The following SMOC1 variants were observed in gnomAD, a reference collection of about 807,000 sequenced individuals.
SMOC1 encodes the protein SPARC-related modular calcium-binding protein 1.
In SMOC1, 22 loss-of-function variants were observed where a neutral mutation model predicts 56.3. That is an observed-to-expected ratio of 0.39 (90% CI 0.28 to 0.56). The LOEUF is 0.56. Among genes scored for constraint, SMOC1 ranks in the 20% least tolerant of loss-of-function variants. SMOC1 has a pLI of 0.61. For missense variants in SMOC1, 509 were observed against 565.4 expected, an observed-to-expected ratio of 0.90 and a Z score of 1.01; for synonymous variants, 193 against 215.0, an observed-to-expected ratio of 0.90 and a Z score of 0.89.
chr14:69,915,266 A>T (rs776402956), intron 1 of SMOC1, among the ~76,000 whole-genome samples: 3 of 152,216 alleles, frequency 2.0e-5, no homozygotes, highest in Non-Finnish European at 2.9e-5. Context: ...GCAATGGAAG[A>T]TAGTTTCTTC....
intron 5 of SMOC1, among the ~76,000 whole-genome samples, chr14:69,990,811 A>T (rs571303873): frequency 1.3e-5 from 2 of 152,184 alleles, no homozygotes. Context: ...TGATTGTCAG[A>T]TAATTCAGGA....
rs1430053412 is a variant in SMOC1, at chr14:69,952,578, T to C, written c.265+275T>C. Among the ~76,000 whole-genome samples the C allele has an allele frequency of 2.6e-5, 4 of 152,144 alleles. No homozygotes were observed. The East Asian group carries it at 7.7e-4, about 29-fold the overall frequency. ...TCCTTTTTCTTTTTATGGAGATGCT[T>C]AAAACCGCAAGACATTATTGCTGGC... is the stretch of plus-strand genomic sequence containing the variant. On this transcript the variant is annotated intron_variant, in intron 2 of 11. Coordinates refer to ENST00000361956, the MANE Select transcript of SMOC1 (RefSeq NM_001034852.3).
chr14:69,888,478 G>C (rs1022638149), intron 1 of SMOC1, among the ~76,000 whole-genome samples: 3 of 152,268 alleles, frequency 2.0e-5, no homozygotes, highest in Admixed American at 2.0e-4. Flanking sequence ...AGACAGGAAA[G>C]GTAGCTCTCA....
At chr14:69,921,260 G>GT (rs2139367929) in intron 1 of SMOC1, among the ~76,000 whole-genome samples, 1 of 152,278 alleles carries the variant, frequency 6.6e-6, no homozygotes, top group African/African-American at 2.4e-5. Context: ...TACATCATGG[G>GT]CAAGATCTTG....
chr14:69,915,525 A>T (rs2475399), intron 1 of SMOC1, among the ~76,000 whole-genome samples: 2 of 152,310 alleles, frequency 1.3e-5, no homozygotes, highest in South Asian at 4.1e-4. Flanking sequence ...TCACCTTTTT[A>T]TTAGCATCCC....
At chr14:69,997,204 T>C (rs1286272795) in intron 7 of SMOC1, among the ~76,000 whole-genome samples, 2 of 152,234 alleles carry the variant, frequency 1.3e-5, no homozygotes, top group Non-Finnish European at 2.9e-5. Flanking sequence ...CTCCCTGACA[T>C]GCCCAGGTAA....
At chr14:70,025,716 G>A (rs1308000861) in intron 11 of SMOC1, among the ~76,000 whole-genome samples, 3 of 152,230 alleles carry the variant, frequency 2.0e-5, no homozygotes, top group South Asian at 2.1e-4. Flanking sequence ...ATATGCTCCA[G>A]TGAGCATTTC....
At chr14:70,003,442 C>T (rs1021401460) in intron 7 of SMOC1, among the ~76,000 whole-genome samples, 2 of 152,130 alleles carry the variant, frequency 1.3e-5, no homozygotes, top group African/African-American at 4.8e-5. Context: ...ATTCTTTTTG[C>T]AGCCTCTGTG....
intron 3 of SMOC1, among the ~76,000 whole-genome samples, chr14:69,954,429 A>C (rs1883115443): frequency 6.6e-6 from 1 of 152,178 alleles, no homozygotes; most frequent in Admixed American, 6.5e-5. Flanking sequence ...TCAGCCTCCA[A>C]AAGTGCTAGG....
At chr14:69,989,909 G>A (rs77205380) in intron 5 of SMOC1, among the ~76,000 whole-genome samples, 1,652 of 152,314 alleles carry the variant, frequency 0.011, 22 homozygotes, top group East Asian at 0.054. Context: ...GGTGCTGTTC[G>A]CTTTGGCTTG....
intron 3 of SMOC1, among the ~76,000 whole-genome samples, chr14:69,960,222 G>C (rs1883323473): frequency 6.6e-6 from 1 of 152,172 alleles, no homozygotes; most frequent in Admixed American, 6.5e-5. Flanking sequence ...GAGTTCAGGG[G>C]CCAAGGGCCT....
At chr14:69,885,465 A>G in intron 1 of SMOC1, 1 of 1,601,014 alleles carries the variant, frequency 6.2e-7, no homozygotes, top group Non-Finnish European at 8.5e-7. Context: ...CTGTCATTGT[A>G]ATTGGTCCTG....
chr14:69,927,890 A>C (rs1885052467), intron 1 of SMOC1, among the ~76,000 whole-genome samples: 1 of 152,140 alleles, frequency 6.6e-6, no homozygotes, highest in East Asian at 1.9e-4. Context: ...GGGGTAATGG[A>C]TCCGAGTTCC....
At chr14:69,974,957 A>C (rs1254040081) in intron 3 of SMOC1, among the ~76,000 whole-genome samples, 2 of 152,156 alleles carry the variant, frequency 1.3e-5, no homozygotes, top group East Asian at 3.9e-4. Flanking sequence ...GACAAAGAAG[A>C]AAAGCTTACC....
rs1164352215 is a variant in SMOC1, at chr14:70,030,959, T to G, written c.*701T>G. On this transcript the variant is annotated 3_prime_UTR_variant, in exon 12 of 12. Transcript: ENST00000361956. ...CCCTGGGAGAGGAAGGGAGTCCAGA[T>G]CCCATGAATAGCCCACACAGGTACC... is the stretch of plus-strand genomic sequence containing the variant. 6.6e-6 allele frequency: 1 copy of G among 152,164 alleles called. No homozygotes were observed. The highest frequency in any genetic ancestry group is 1.5e-5 in the Non-Finnish European group (1 of 68,086). 9.4% of individuals were successfully genotyped at this position (152,164 alleles called of 1,614,324 possible). A position where few individuals can be genotyped will look rare whatever the true frequency, so the allele number is the denominator to read the frequency against.
At chr14:69,982,964 G>T (rs907766506) in intron 5 of SMOC1, among the ~76,000 whole-genome samples, 1 of 152,190 alleles carries the variant, frequency 6.6e-6, no homozygotes, top group South Asian at 2.1e-4. Context: ...TCTCCGAGCC[G>T]CCTCCACCAA....
chr14:69,995,524 A>G (rs952673890), intron 7 of SMOC1, among the ~76,000 whole-genome samples: 2 of 152,224 alleles, frequency 1.3e-5, no homozygotes, highest in Non-Finnish European at 2.9e-5. Flanking sequence ...CTTTGACAGA[A>G]TAGTGCAGTG....
chr14:69,959,960 C>A (rs1237015571), intron 3 of SMOC1, among the ~76,000 whole-genome samples: 1 of 152,176 alleles, frequency 6.6e-6, no homozygotes, highest in African/African-American at 2.4e-5. Flanking sequence ...TCCCCAGCCC[C>A]ACAGTATAGA....
At chr14:69,992,560 T>TTTA in intron 6 of SMOC1, 87 bp downstream of exon 6, 1 of 1,011,296 alleles carries the variant, frequency 9.9e-7, no homozygotes, top group Non-Finnish European at 1.5e-6. Flanking sequence ...TTGTTTAAGT[T>TTTA]TTATTATTAT....
Sources: allele counts gnomAD v4.1 joint callset (sites outside exome capture counted in the v4.1 genomes callset), GRCh38; gene constraint gnomAD v4.1.1; transcripts MANE v1.5; gene names NCBI Gene and HGNC (gene_info 2026-07-23, HGNC 2026-07-21).